The following DOCK7 variants were observed in gnomAD, a reference collection of about 807,000 sequenced individuals.
DOCK7 encodes the protein dedicator of cytokinesis 7.
Under a neutral mutation model 271.0 loss-of-function variants are expected in DOCK7, and 138 were observed. That is an observed-to-expected ratio of 0.51 (90% CI 0.44 to 0.59). The LOEUF is 0.59. Among genes scored for constraint, DOCK7 ranks in the 20% least tolerant of loss-of-function variants. The pLI, the probability that DOCK7 is intolerant of heterozygous loss-of-function variation, is 0.00. For synonymous variants in DOCK7, 823 were observed against 876.1 expected (o/e 0.94, Z 1.07); for missense variants, 2,066 against 2,592.4 (o/e 0.80, Z 4.41).
intron 43 of DOCK7, chr1:62,483,513 C>T (rs1194235611): frequency 6.6e-6 from 1 of 151,484 alleles, no homozygotes; most frequent in Non-Finnish European, 1.5e-5. Flanking sequence ...TTTTCCTTAA[C>T]TTTCTTCATA....
chr1:62,515,548 C>G (rs1342278126), intron 31 of DOCK7, among the ~76,000 whole-genome samples: 1 of 152,158 alleles, frequency 6.6e-6, no homozygotes, highest in Non-Finnish European at 1.5e-5. Flanking sequence ...ATGCTGACAT[C>G]TCTTATATTC....
chr1:62,515,280 C>T (rs989095117), intron 31 of DOCK7, among the ~76,000 whole-genome samples: 12 of 152,242 alleles, frequency 7.9e-5, no homozygotes, highest in African/African-American at 2.2e-4. Context: ...GCTGCCCATG[C>T]ATATAAGTGA....
chr1:62,650,933 T>C (rs1324403792), intron 4 of DOCK7, among the ~76,000 whole-genome samples: 8 of 152,276 alleles, frequency 5.3e-5, no homozygotes, highest in Admixed American at 3.3e-4. Context: ...GACCCAGCCA[T>C]CCCATTACTG....
At position 62,663,258 on chromosome 1, in the gene DOCK7, A is replaced by C. The variant is rs1158752512; in HGVS notation, c.39-128T>G. 3 of 715,916 alleles carry C rather than the reference A, an allele frequency of 4.2e-6. No individual in the cohort carries two copies. In the African/African-American group the frequency reaches 5.4e-5, roughly 13 times the overall value. The allele number at this position is 715,916 out of a possible 1,614,324, so 44.3% of individuals were successfully genotyped here. On this transcript the variant is annotated intron_variant, in intron 1 of 49. Transcript: ENST00000635253. ...AAAACAAAATCTCAGCATAACAATA[A>C]GGCTAGAAATTCGTAAAATATTTTA...
At chr1:62,683,726 G>A (rs571105318) in intron 1 of DOCK7, among the ~76,000 whole-genome samples, 38 of 152,158 alleles carry the variant, frequency 2.5e-4, no homozygotes, top group Middle Eastern at 3.4e-3. Flanking sequence ...CTTTAGCCCC[G>A]GAGTTCGAGA....
intron 1 of DOCK7, among the ~76,000 whole-genome samples, chr1:62,667,818 G>A (rs558204714): frequency 1.3e-5 from 2 of 152,098 alleles, no homozygotes; most frequent in East Asian, 3.9e-4. Context: ...AGGAGTTCGC[G>A]ACCAGTCTGG....
At chr1:62,621,573 TA>T (rs2149594164) in intron 12 of DOCK7, among the ~76,000 whole-genome samples, 1 of 152,290 alleles carries the variant, frequency 6.6e-6, no homozygotes, top group South Asian at 2.1e-4. Flanking sequence ...CATTATATTC[TA>T]AACAAGGATA....
chr1:62,513,398 A>T, intron 33 of DOCK7, 46 bp downstream of exon 33: 1 of 1,530,722 alleles, frequency 6.5e-7, no homozygotes, highest in East Asian at 2.3e-5. Flanking sequence ...ACTAGCAACA[A>T]TGATCATTAC....
chr1:62,507,819 G>T, intron 35 of DOCK7, 143 bp downstream of exon 35: 1 of 671,252 alleles, frequency 1.5e-6, no homozygotes. Context: ...TAATTACAGA[G>T]AATCTCAGAA....
chr1:62,650,523 GA>G, intron 4 of DOCK7, among the ~76,000 whole-genome samples: 1 of 151,998 alleles, frequency 6.6e-6, no homozygotes, highest in Non-Finnish European at 1.5e-5. Context: ...CAGAATGGGA[GA>G]AAATTTTTGC....
At chr1:62,490,610 C>T (rs942961661) in intron 41 of DOCK7, among the ~76,000 whole-genome samples, 1 of 152,012 alleles carries the variant, frequency 6.6e-6, no homozygotes, top group Admixed American at 6.6e-5. Flanking sequence ...AACTAAAATG[C>T]TCCAGTAATT....
At chr1:62,603,681 A>G (rs538521790) in intron 14 of DOCK7, among the ~76,000 whole-genome samples, 1 of 151,974 alleles carries the variant, frequency 6.6e-6, no homozygotes, top group East Asian at 1.9e-4. Context: ...AGACTTTAAA[A>G]TATCTATAAT....
chr1:62,626,922 C>A (rs930161488), intron 11 of DOCK7, among the ~76,000 whole-genome samples: 2 of 152,170 alleles, frequency 1.3e-5, no homozygotes, highest in African/African-American at 4.8e-5. Flanking sequence ...CAAAACCAGA[C>A]AGAGTCATCA....
chr1:62,634,964 T>C, intron 8 of DOCK7, 42 bp from the exon 9 acceptor site: 1 of 1,405,020 alleles, frequency 7.1e-7, no homozygotes, highest in Non-Finnish European at 9.9e-7. Context: ...TATGTACATT[T>C]TACAGTGTCT....
intron 35 of DOCK7, 98 bp from the exon 36 acceptor site, chr1:62,505,914 T>A: frequency 8.6e-7 from 1 of 1,168,324 alleles, no homozygotes; most frequent in South Asian, 1.9e-5. Flanking sequence ...CCTCCCTGTA[T>A]GTATAAGTAA....
At chr1:62,612,586 T>C (rs1048945740) in intron 14 of DOCK7, among the ~76,000 whole-genome samples, 5 of 152,196 alleles carry the variant, frequency 3.3e-5, no homozygotes, top group African/African-American at 1.2e-4. Context: ...TACTTTTAGG[T>C]GTATTAATTT....
At chr1:62,462,846 C>T (rs745938620) in intron 48 of DOCK7, among the ~76,000 whole-genome samples, 2 of 151,094 alleles carry the variant, frequency 1.3e-5, no homozygotes, top group African/African-American at 2.4e-5. Flanking sequence ...CTACTTTGGC[C>T]TCCTGTGTAG....
At position 62,539,610 on chromosome 1, in the gene DOCK7, T is replaced by A. The variant is rs906588303; in HGVS notation, c.3235A>T (p.Asn1079Tyr). Residue 1079 changes from asparagine to tyrosine, a missense_variant, in exon 27 of 50, where the codon AAT becomes TAT. Asn to Tyr is a moderately radical substitution (Grantham distance 143). Transcript: ENST00000635253. ...RLNTSLAFFL[N>Y]DLLSVMDRGF... ...CTGTCCATAACAGACAACAGATCAT[T>A]GAGAAAGAATGCAAGGCTTGTATTG... 33 of 1,613,772 alleles carry A rather than the reference T, an allele frequency of 2.0e-5. No homozygotes were observed. Among genetic ancestry groups the A allele is most frequent in the Non-Finnish European group, 2.5e-5 (30 of 1,179,904 alleles).
chr1:62,478,879 A>T (rs1404246600), intron 43 of DOCK7: 1 of 152,234 alleles, frequency 6.6e-6, no homozygotes, highest in African/African-American at 2.4e-5. Flanking sequence ...TGTCAGGTAC[A>T]AAGTACATTA....
Sources: allele counts gnomAD v4.1 joint callset (sites outside exome capture counted in the v4.1 genomes callset), GRCh38; gene constraint gnomAD v4.1.1; transcripts MANE v1.5; gene names NCBI Gene and HGNC (gene_info 2026-07-23, HGNC 2026-07-21).